Variants in SSPN observed in about 807,000 individuals in gnomAD.
SSPN encodes K-ras oncogene-associated protein.
SSPN carries 15 observed loss-of-function variants against 19.1 expected under a neutral mutation model. That is an observed-to-expected ratio of 0.78 (90% CI 0.52 to 1.21). The LOEUF (loss-of-function observed/expected upper bound fraction) is 1.21, where lower values mean the gene tolerates loss of function less well. Ranked by LOEUF, SSPN falls within the 50% of genes most tolerant of loss-of-function variation. The pLI is 0.00. For missense variants in SSPN, 291 were observed against 314.0 expected (o/e 0.93, Z 0.55); for synonymous variants, 147 against 140.3 (o/e 1.05, Z -0.34).
At chr12:26,169,713 C>G (rs1944643161) in intron 1 of SSPN, among the ~76,000 whole-genome samples, 1 of 151,978 alleles carries the variant, frequency 6.6e-6, no homozygotes, top group African/African-American at 2.4e-5. Flanking sequence ...TAAGCCTGGC[C>G]CTTCTGATCC....
At chr12:26,216,749 G>C (rs1945055431) in intron 1 of SSPN, among the ~76,000 whole-genome samples, 1 of 125,036 alleles carries the variant, frequency 8.0e-6, no homozygotes, top group South Asian at 3.2e-4. Context: ...ATTGATTTTT[G>C]TATAAGGTGT....
At chr12:26,182,575 CCCCTTCCCCTTCCCTTCCCTTCCCTT>C (rs1276854274) in intron 1 of SSPN, among the ~76,000 whole-genome samples, 1 of 142,018 alleles carries the variant, frequency 7.0e-6, no homozygotes, top group African/African-American at 2.6e-5. Flanking sequence ...CCTTCCCCTT[CCCCTTCCCCTTCCCTTCCCTTCCCTT>C]CCCTTCCCTT....
At chr12:26,181,984 G>C (rs191556108) in intron 1 of SSPN, among the ~76,000 whole-genome samples, 22 of 152,240 alleles carry the variant, frequency 1.4e-4, no homozygotes, top group African/African-American at 5.1e-4. Context: ...TGTGTGACAC[G>C]TTATTTTGAA....
chr12:26,155,566 GTT>G (rs1487347269), intron 1 of SSPN, among the ~76,000 whole-genome samples: 1 of 152,182 alleles, frequency 6.6e-6, no homozygotes, highest in Non-Finnish European at 1.5e-5. Flanking sequence ...ATGACCACTG[GTT>G]GGTTTTGTTA....
chr12:26,122,361 A>G, intron 1 of SSPN: 2 of 1,161,080 alleles, frequency 1.7e-6, no homozygotes, highest in Non-Finnish European at 2.1e-6. Flanking sequence ...TAGCAGCGGG[A>G]ACGGGGCGGC....
intron 1 of SSPN, among the ~76,000 whole-genome samples, chr12:26,213,669 A>G (rs970060450): frequency 1.3e-5 from 2 of 151,106 alleles, no homozygotes; most frequent in East Asian, 3.9e-4. Context: ...TCAAACATCT[A>G]CTTTTTTTTA....
intron 1 of SSPN, among the ~76,000 whole-genome samples, chr12:26,167,793 G>A (rs1242327389): frequency 2.6e-5 from 4 of 152,134 alleles, no homozygotes; most frequent in Non-Finnish European, 5.9e-5. Context: ...TGAACACCCT[G>A]TTCCTCCCCA....
intron 1 of SSPN, among the ~76,000 whole-genome samples, chr12:26,132,559 A>T (rs1944402641): frequency 6.6e-6 from 1 of 152,198 alleles, no homozygotes; most frequent in Non-Finnish European, 1.5e-5. Flanking sequence ...CTTGTCCTGT[A>T]AAGGCCACTA....
chr12:26,123,924 A>T, intron 1 of SSPN: 1 of 742,386 alleles, frequency 1.3e-6, no homozygotes, highest in South Asian at 1.6e-5. Context: ...GGGAGCACCT[A>T]CTCCAGTTTG....
intron 1 of SSPN, among the ~76,000 whole-genome samples, chr12:26,158,267 C>T (rs928080744): frequency 1.3e-5 from 2 of 151,986 alleles, no homozygotes; most frequent in African/African-American, 4.8e-5. Context: ...ATCCTTCCTT[C>T]CTTTCTTTTC....
At chr12:26,198,231 T>C (rs1944847879) in intron 1 of SSPN, among the ~76,000 whole-genome samples, 1 of 152,056 alleles carries the variant, frequency 6.6e-6, no homozygotes, top group African/African-American at 2.4e-5. Flanking sequence ...TGGCACGATT[T>C]TGGTTCACTG....
At chr12:26,203,505 A>G (rs867161510) in intron 1 of SSPN, among the ~76,000 whole-genome samples, 1 of 152,312 alleles carries the variant, frequency 6.6e-6, no homozygotes. Context: ...AACCTATTCC[A>G]TAGGCACACC....
intron 1 of SSPN, among the ~76,000 whole-genome samples, chr12:26,201,617 TGAG>T (rs1003152556): frequency 3.3e-5 from 5 of 151,276 alleles, no homozygotes; most frequent in Admixed American, 6.6e-5. Flanking sequence ...AAAAAAAAAA[TGAG>T]GAGAAGCAGC....
intron 1 of SSPN, among the ~76,000 whole-genome samples, chr12:26,222,947 A>G (rs1945138240): frequency 6.6e-6 from 1 of 152,156 alleles, no homozygotes; most frequent in Admixed American, 6.5e-5. Context: ...TTCAGCTTTT[A>G]CTATGCCTGT....
At chr12:26,193,940 G>A (rs1396148908), upstream of SSPN, among the ~76,000 whole-genome samples, 1 of 152,182 alleles carries the variant, frequency 6.6e-6, no homozygotes, top group Non-Finnish European at 1.5e-5. Flanking sequence ...TGGGGACTTG[G>A]CAGTTTACAA....
At chr12:26,211,346 T>G (rs1186117319) in intron 1 of SSPN, 1 of 152,224 alleles carries the variant, frequency 6.6e-6, no homozygotes, top group Non-Finnish European at 1.5e-5. Flanking sequence ...ATCTCCATGG[T>G]AAGTCATACA....
chr12:26,146,445 T>C (rs1001110924), intron 1 of SSPN, among the ~76,000 whole-genome samples: 3 of 152,346 alleles, frequency 2.0e-5, no homozygotes, highest in African/African-American at 7.2e-5. Context: ...GATTCTTTCC[T>C]ATCAGTTGAT....
chr12:26,148,381 C>A (rs769194131), intron 1 of SSPN, among the ~76,000 whole-genome samples: 1 of 152,110 alleles, frequency 6.6e-6, no homozygotes, highest in Non-Finnish European at 1.5e-5. Flanking sequence ...GATCTTAAAT[C>A]GATTTGAATA....
chr12:26,201,286 G>A (rs1380080159), intron 1 of SSPN, among the ~76,000 whole-genome samples: 1 of 151,272 alleles, frequency 6.6e-6, no homozygotes, highest in Admixed American at 6.6e-5. Context: ...GCTGAGGTGG[G>A]AGGATCACTT....
Sources: gnomAD v4.1 joint callset for allele counts (sites outside exome capture counted in the v4.1 genomes callset) on GRCh38, gnomAD v4.1.1 for gene constraint, MANE v1.5 for transcripts, NCBI Gene and HGNC (gene_info 2026-07-23, HGNC 2026-07-21) for gene names.